The following COL1A2 variants were observed in gnomAD, a reference collection of about 807,000 sequenced individuals.
The protein encoded by COL1A2 is collagen alpha-2(I) chain.
In COL1A2, 49 loss-of-function variants were observed where a neutral mutation model predicts 174.3. That is an observed-to-expected ratio of 0.28 (90% CI 0.22 to 0.36). The LOEUF (loss-of-function observed/expected upper bound fraction) is 0.36. Among genes scored for constraint, COL1A2 ranks in the 10% least tolerant of loss-of-function variants. The pLI is 1.00. For missense variants in COL1A2, 1,438 were observed against 1,822.7 expected, an observed-to-expected ratio of 0.79 and a Z score of 3.84; for synonymous variants, 655 against 606.6, an observed-to-expected ratio of 1.08 and a Z score of -1.17.
intron 49 of COL1A2, 142 bp from the exon 50 acceptor site, chr7:94,428,151 A>T: frequency 1.2e-6 from 1 of 856,766 alleles, no homozygotes; most frequent in East Asian, 2.6e-5. Flanking sequence ...AATCTTAAAA[A>T]TAGCCACCCT....
In COL1A2 at chr7:94,408,872, T is replaced by C. The variant is rs777815074; in HGVS notation, c.792+49T>C. Reference sequence around the variant, plus strand: ...CACTACTTTGATAAACTTTTTACTGTGATGTGAAAGATTGGAACTGTGTTT... The same window carrying C: ...CACTACTTTGATAAACTTTTTACTGCGATGTGAAAGATTGGAACTGTGTTT... On this transcript the variant is annotated intron_variant, in intron 16 of 51. Transcript: ENST00000297268. 5 of 1,523,246 alleles carry C rather than the reference T, an allele frequency of 3.3e-6. No individual in the cohort carries two copies. The South Asian group carries it at 5.6e-5, about 17-fold the overall frequency. 94.4% of individuals were successfully genotyped at this position (1,523,246 alleles called of 1,614,324 possible).
intron 4 of COL1A2, among the ~76,000 whole-genome samples, chr7:94,399,810 C>A: frequency 6.6e-6 from 1 of 152,084 alleles, no homozygotes; most frequent in East Asian, 1.9e-4. Flanking sequence ...ATGTAACATA[C>A]CAAAACAATT....
Position 94,425,606 on chromosome 7 carries a change from A to T in COL1A2, c.2782-4A>T. 1 of 1,614,018 alleles carries T rather than the reference A, an allele frequency of 6.2e-7. No homozygotes were observed. Among genetic ancestry groups the T allele is most frequent in the Non-Finnish European group, 8.5e-7 (1 of 1,179,890 alleles). Reference sequence around the variant, plus strand: ...CAGCCTTAATTTGTGTGGTGTCTTCACAGGGCAACCCTGGGAACGATGGTC... The same window carrying T: ...CAGCCTTAATTTGTGTGGTGTCTTCTCAGGGCAACCCTGGGAACGATGGTC... On this transcript the variant is annotated splice_region_variant and splice_polypyrimidine_tract_variant and intron_variant, in intron 42 of 51. Transcript: ENST00000297268.
intron 23 of COL1A2, 104 bp from the exon 24 acceptor site, chr7:94,411,964 C>G (rs533887171): frequency 8.6e-6 from 8 of 933,738 alleles, no homozygotes; most frequent in South Asian, 7.0e-5. Context: ...AGGCAACAAA[C>G]AAAAAGTCGG....
At chr7:94,423,450 A>G (rs1584328249) in intron 40 of COL1A2, 2 of 368,204 alleles carry the variant, frequency 5.4e-6, no homozygotes, top group East Asian at 6.4e-5. Context: ...TCAGTAGGCT[A>G]CCAATTTCTT....
chr7:94,407,375 C>T (rs963719173), intron 12 of COL1A2, among the ~76,000 whole-genome samples: 24 of 136,054 alleles, frequency 1.8e-4, no homozygotes, highest in Non-Finnish European at 3.2e-5. Flanking sequence ...CTGGTTTTTA[C>T]TCAGGATAAG....
rs1260943200 is a variant in COL1A2, at chr7:94,420,825, G to A, written c.2295+177G>A. The A allele has an allele frequency of 1.8e-5, 16 of 892,854 alleles. No homozygotes were observed. In the East Asian group the frequency reaches 1.8e-4, roughly 10 times the overall value. 55.3% of individuals were successfully genotyped at this position (892,854 alleles called of 1,614,324 possible). On this transcript the variant is annotated intron_variant, in intron 37 of 51. Transcript: ENST00000297268. The stretch of plus-strand genomic sequence containing the variant: ...AAAGTATAAAAGTTTCATGAATATT[G>A]TTTTATTTTAATTCTCTGATAACCT...
chr7:94,401,753 T>C (rs541792769), intron 6 of COL1A2, 133 bp downstream of exon 6: 6 of 471,304 alleles, frequency 1.3e-5, no homozygotes, highest in African/African-American at 1.2e-4. Flanking sequence ...AACAACTCTT[T>C]TTGTTTTCAA....
intron 29 of COL1A2, 69 bp downstream of exon 29, chr7:94,414,344 C>A: frequency 7.7e-7 from 1 of 1,296,394 alleles, no homozygotes; most frequent in Non-Finnish European, 1.1e-6. Context: ...TAATACCCCA[C>A]TGCTATGCAA....
intron 31 of COL1A2, chr7:94,417,495 G>T (rs928056596): frequency 3.7e-6 from 2 of 537,274 alleles, no homozygotes; most frequent in African/African-American, 3.8e-5. Flanking sequence ...AGGTTATAGA[G>T]GAATCGCAGC....
intron 22 of COL1A2, 24 bp from the exon 23 acceptor site, chr7:94,411,032 T>C: frequency 1.3e-6 from 2 of 1,564,852 alleles, no homozygotes; most frequent in Non-Finnish European, 1.7e-6. Context: ...CTCCTCTATC[T>C]GTTTTTTTTT....
In COL1A2 at chr7:94,400,243, C is replaced by A. The variant is rs756659600; in HGVS notation, c.180C>A (p.Gly60=). Residue 60 remains glycine, a synonymous_variant, in exon 5 of 52, where the codon GGC becomes GGA. Coordinates refer to ENST00000297268, the MANE Select transcript of COL1A2 (RefSeq NM_000089.4). ...PGRDGEDGPT[G]PPGPPGPPGP... ...GAGATGGTGAAGATGGTCCCACAGG[C>A]CCTCCTGGTCCACCTGGTCCTCCTG... 3.1e-6 allele frequency: 5 copies of A among 1,612,324 alleles called. No homozygotes were observed. In the African/African-American group the frequency reaches 5.4e-5, roughly 17 times the overall value.
At chr7:94,416,248 A>T (rs1233672177) in intron 30 of COL1A2, among the ~76,000 whole-genome samples, 157 bp from the exon 31 acceptor site, 1 of 152,202 alleles carries the variant, frequency 6.6e-6, no homozygotes, top group African/African-American at 2.4e-5. Context: ...CAATCTCTTC[A>T]TTTTACTAGT....
At chr7:94,407,497 G>C (rs534255148) in intron 12 of COL1A2, among the ~76,000 whole-genome samples, 1 of 152,028 alleles carries the variant, frequency 6.6e-6, no homozygotes, top group Non-Finnish European at 1.5e-5. Context: ...ACTTTAAAAA[G>C]GATAAATATG....
chr7:94,396,041 C>T (rs1243501956), intron 1 of COL1A2, among the ~76,000 whole-genome samples: 4 of 152,052 alleles, frequency 2.6e-5, no homozygotes, highest in African/African-American at 9.7e-5. Context: ...TGACTTTGGG[C>T]AAGTCAAACG....
chr7:94,399,946 C>T (rs1791655104), intron 4 of COL1A2: 1 of 573,470 alleles, frequency 1.7e-6, no homozygotes, highest in Non-Finnish European at 3.1e-6. Flanking sequence ...AATACTGGAG[C>T]TTCAGTATGA....
rs1252035023 is a variant in COL1A2 at position 94,429,396 on chromosome 7, G to A, written c.3920G>A (p.Arg1307Lys). The A allele has an allele frequency of 6.2e-7, 1 of 1,613,922 alleles. No individual in the cohort carries two copies. Among genetic ancestry groups the A allele is most frequent in the African/African-American group, 1.3e-5 (1 of 74,974 alleles). The change falls in exon 51 of 52, where the codon AGG becomes AAG. Residue 1307 changes from arginine to lysine, a missense_variant. By Grantham distance (26) the Arg-to-Lys change is conservative (BLOSUM62 2). Coordinates refer to ENST00000297268, the MANE Select transcript of COL1A2 (RefSeq NM_000089.4). ...GAACTTGTTGCTGAGGGCAACAGCAGGTTCACTTACACTGTTCTTGTAGAT... is the reference window on the plus strand; with the variant it reads ...GAACTTGTTGCTGAGGGCAACAGCAAGTTCACTTACACTGTTCTTGTAGAT... ...DVELVAEGNS[R>K]FTYTVLVDGC...
intron 39 of COL1A2, 77 bp downstream of exon 39, chr7:94,422,029 A>G (rs2115937436): frequency 2.4e-6 from 3 of 1,271,246 alleles, no homozygotes; most frequent in East Asian, 2.3e-5. Context: ...CTGGTAAGAA[A>G]CTCTTCATGA....
intron 25 of COL1A2, 78 bp from the exon 26 acceptor site, chr7:94,413,005 C>T: frequency 7.1e-7 from 1 of 1,399,108 alleles, no homozygotes; most frequent in South Asian, 1.2e-5. Context: ...CAGGATTCAA[C>T]ATTGCAAAAT....
Sources: gnomAD v4.1 joint callset for allele counts (sites outside exome capture counted in the v4.1 genomes callset) on GRCh38, gnomAD v4.1.1 for gene constraint, MANE v1.5 for transcripts, NCBI Gene and HGNC (gene_info 2026-07-23, HGNC 2026-07-21) for gene names.